Variants in DOCK11 observed in about 807,000 individuals in gnomAD.
DOCK11 encodes the protein dedicator of cytokinesis 11.
DOCK11 carries 70 observed loss-of-function variants against 169.1 expected under a neutral mutation model. That is an observed-to-expected ratio of 0.41 (90% CI 0.34 to 0.51). The LOEUF (loss-of-function observed/expected upper bound fraction) is 0.51, where lower values mean the gene tolerates loss of function less well. Ranked by LOEUF, DOCK11 falls within the 20% of genes least tolerant of loss-of-function variation. The probability of loss-of-function intolerance (pLI) is 0.10; values close to 1 mark genes in which losing one functional copy is unlikely to be tolerated. For synonymous variants in DOCK11, 529 were observed against 541.3 expected (o/e 0.98, Z 0.32); for missense variants, 1,166 against 1,538.8 (o/e 0.76, Z 4.05).
intron 20 of DOCK11, among the ~76,000 whole-genome samples, chrX:118,593,649 C>T (rs1009552757): frequency 1.8e-5 from 2 of 111,121 alleles, no homozygotes; most frequent in Non-Finnish European, 3.8e-5. Context: ...CACCAGATCT[C>T]GTGAGACTTA....
intron 1 of DOCK11, among the ~76,000 whole-genome samples, chrX:118,533,706 G>A (rs762415833): frequency 8.9e-6 from 1 of 112,465 alleles, no homozygotes; most frequent in South Asian, 3.6e-4. Flanking sequence ...TAGAATGCCT[G>A]TGCACTTTAC....
chrX:118,574,708 T>C (rs902192031), intron 12 of DOCK11, among the ~76,000 whole-genome samples: 3 of 112,315 alleles, frequency 2.7e-5, no homozygotes, highest in Non-Finnish European at 3.8e-5. Flanking sequence ...CCACCCCTGA[T>C]TTTCATGTCC....
chrX:118,662,359 C>T (rs1049455472), intron 44 of DOCK11, among the ~76,000 whole-genome samples: 1 of 112,035 alleles, frequency 8.9e-6, no homozygotes, highest in East Asian at 2.8e-4. Flanking sequence ...GATGATAGAA[C>T]ACAAATGTAT....
intron 21 of DOCK11, 86 bp from the exon 22 acceptor site, chrX:118,597,944 G>GA (rs1237392104): frequency 7.0e-6 from 5 of 718,675 alleles, no homozygotes; most frequent in East Asian, 3.5e-5. Flanking sequence ...ATTCATTTCT[G>GA]AAAAAAATGT....
At chrX:118,579,849 T>C (rs116489719) in intron 13 of DOCK11, among the ~76,000 whole-genome samples, 29 of 112,351 alleles carry the variant, frequency 2.6e-4, no homozygotes, top group African/African-American at 8.7e-4. Context: ...GTGTGCCCTA[T>C]ATCTATTTCG....
At chrX:118,538,533 A>G (rs1393526137) in intron 1 of DOCK11, 1 of 174,097 alleles carries the variant, frequency 5.7e-6, no homozygotes, top group Non-Finnish European at 9.1e-6. Flanking sequence ...CCCATGGTGA[A>G]AACTGAGTTG....
chrX:118,585,166 G>A (rs369373588), intron 16 of DOCK11, 49 bp downstream of exon 16: 67 of 1,069,553 alleles, frequency 6.3e-5, no homozygotes, highest in Non-Finnish European at 8.2e-5. Flanking sequence ...TGAATGTCAG[G>A]TTGTTATCCT....
chrX:118,650,915 G>T (rs1249275413), intron 41 of DOCK11, among the ~76,000 whole-genome samples: 1 of 111,715 alleles, frequency 9.0e-6, no homozygotes, highest in Non-Finnish European at 1.9e-5. Flanking sequence ...TTTATCATAG[G>T]CATTTTACAG....
At chrX:118,500,497 A>G (rs1386909171) in intron 1 of DOCK11, among the ~76,000 whole-genome samples, 1 of 112,096 alleles carries the variant, frequency 8.9e-6, no homozygotes, top group African/African-American at 3.2e-5. Flanking sequence ...TTCTATGTGT[A>G]TATATACACA....
At chrX:118,558,644 A>G (rs2012803423) in intron 6 of DOCK11, among the ~76,000 whole-genome samples, 1 of 112,092 alleles carries the variant, frequency 8.9e-6, no homozygotes, top group South Asian at 3.6e-4. Flanking sequence ...TTGAAACCCA[A>G]CATATATCAT....
intron 35 of DOCK11, chrX:118,632,931 A>G (rs1435659219): frequency 2.4e-4 from 20 of 82,016 alleles, no homozygotes; most frequent in African/African-American, 5.2e-4. Context: ...AAAGTAAAAC[A>G]TTGTTGCTTC....
At chrX:118,644,922 G>A (rs1471675638) in intron 40 of DOCK11, among the ~76,000 whole-genome samples, 1 of 111,794 alleles carries the variant, frequency 8.9e-6, no homozygotes, top group East Asian at 2.8e-4. Flanking sequence ...AAGGATTGGT[G>A]ACAATGTCAA....
chrX:118,502,250 G>A (rs763851286), intron 1 of DOCK11, among the ~76,000 whole-genome samples: 2 of 111,717 alleles, frequency 1.8e-5, no homozygotes, highest in African/African-American at 6.5e-5. Context: ...AGAGGGCTAT[G>A]TTAGAAAAGG....
At chrX:118,544,170 G>A (rs1389235505) in intron 4 of DOCK11, among the ~76,000 whole-genome samples, 1 of 112,004 alleles carries the variant, frequency 8.9e-6, no homozygotes, top group East Asian at 2.8e-4. Context: ...ATAATGTAGT[G>A]AGCATTTTCC....
chrX:118,608,712 G>A (rs1164096621), intron 26 of DOCK11, among the ~76,000 whole-genome samples: 1 of 111,638 alleles, frequency 9.0e-6, no homozygotes, highest in African/African-American at 3.3e-5. Context: ...CATCGTTCCT[G>A]GCACATTGTA....
intron 14 of DOCK11, among the ~76,000 whole-genome samples, chrX:118,580,826 C>G (rs1212335600): frequency 2.7e-5 from 3 of 111,772 alleles, no homozygotes; most frequent in East Asian, 2.8e-4. Flanking sequence ...ACAGTATACC[C>G]CCTATTTCAG....
intron 45 of DOCK11, among the ~76,000 whole-genome samples, chrX:118,667,269 C>A (rs1251904783): frequency 9.0e-6 from 1 of 111,073 alleles, no homozygotes; most frequent in Non-Finnish European, 1.9e-5. Flanking sequence ...CTTTTTGTAT[C>A]TGGTCCCAAA....
At chrX:118,499,291 C>T (rs6655475) in intron 1 of DOCK11, among the ~76,000 whole-genome samples, 49,276 of 110,756 alleles carry the variant, frequency 0.44, 8,373 homozygotes, top group Middle Eastern at 0.57. Context: ...CTGGAAGAGT[C>T]GCCTAGTAGC....
intron 31 of DOCK11, among the ~76,000 whole-genome samples, chrX:118,623,014 G>A (rs1397840109): frequency 8.9e-6 from 1 of 111,878 alleles, no homozygotes; most frequent in Non-Finnish European, 1.9e-5. Flanking sequence ...TTGGGAGTTC[G>A]AGACCAGCCT....
Sources: allele counts gnomAD v4.1 joint callset (sites outside exome capture counted in the v4.1 genomes callset), GRCh38; gene constraint gnomAD v4.1.1; transcripts MANE v1.5; gene names NCBI Gene and HGNC (gene_info 2026-07-23, HGNC 2026-07-21).